Variants in SRGN observed in about 807,000 individuals in gnomAD.
SRGN encodes the protein serglycin.
SRGN carries 2 observed loss-of-function variants against 9.5 expected under a neutral mutation model. The observed-to-expected ratio is 0.21, with a 90% CI of 0.09 to 0.66. SRGN has a LOEUF of 0.66. Ranked by LOEUF, SRGN falls within the 30% of genes least tolerant of loss-of-function variation. The pLI is 0.83. For synonymous variants in SRGN, 59 were observed against 72.3 expected, an observed-to-expected ratio of 0.82 and a Z score of 0.93; for missense variants, 170 against 192.4, an observed-to-expected ratio of 0.88 and a Z score of 0.69.
At chr10:69,096,051 A>G (rs1840168887) in intron 1 of SRGN, among the ~76,000 whole-genome samples, 1 of 152,236 alleles carries the variant, frequency 6.6e-6, no homozygotes, top group African/African-American at 2.4e-5. Context: ...CTCTGTGAAT[A>G]GAGGAGACTT....
intron 2 of SRGN, 135 bp from the exon 3 acceptor site, chr10:69,103,736 G>T: frequency 1.0e-6 from 1 of 964,060 alleles, no homozygotes; most frequent in Non-Finnish European, 1.5e-6. Context: ...TGAATAATTG[G>T]GAAGCTTTTA....
chr10:69,091,879 C>CAAAAAA (rs1177012248), intron 1 of SRGN, among the ~76,000 whole-genome samples: 430 of 31,534 alleles, frequency 0.014, 9 homozygotes, highest in African/African-American at 0.023. Context: ...GACTCTGTCT[C>CAAAAAA]AAAAAAAAAA....
chr10:69,088,072 A>AT (rs550919533), upstream of SRGN: 1,368 of 1,203,068 alleles, frequency 1.1e-3, 16 homozygotes, highest in Admixed American at 0.02. Flanking sequence ...GTTTTGGAAC[A>AT]TTTTCTAAAA....
At chr10:69,096,977 G>T in intron 1 of SRGN, 107 bp from the exon 2 acceptor site, 1 of 1,212,790 alleles carries the variant, frequency 8.2e-7, no homozygotes, top group South Asian at 1.7e-5. Flanking sequence ...TTGGGCAGCC[G>T]ACTGAGACCC....
In SRGN at chr10:69,103,865, C is replaced by T. The variant is rs1840338981; in HGVS notation, c.228-6C>T. The T allele has an allele frequency of 6.2e-7, 1 of 1,611,308 alleles. No individual in the cohort carries two copies. Among genetic ancestry groups the T allele is most frequent in the East Asian group, 2.2e-5 (1 of 44,822 alleles). On this transcript the variant is annotated splice_region_variant and splice_polypyrimidine_tract_variant and intron_variant, in intron 2 of 2. Transcript: ENST00000242465. ...GTTTTTTTCCCATTTTTCTTTCATA[C>T]TTCAGAAAGACGAGAATCCAGGACT...
chr10:69,093,735 C>T (rs1477003874), intron 1 of SRGN, among the ~76,000 whole-genome samples: 1 of 152,068 alleles, frequency 6.6e-6, no homozygotes. Context: ...GGCATGGTGG[C>T]ACGTGCCTGT....
In SRGN at chr10:69,103,968, G is replaced by A; in HGVS notation, c.325G>A (p.Gly109Arg). 1 of 1,614,212 alleles carries A rather than the reference G, an allele frequency of 6.2e-7. No homozygotes were observed. Among genetic ancestry groups the A allele is most frequent in the Non-Finnish European group, 8.5e-7 (1 of 1,180,050 alleles). Residue 109 changes from glycine (G) to arginine (R), a missense_variant, in exon 3 of 3, where the codon GGG becomes AGG. Physicochemically the swap from Gly to Arg is moderately radical, Grantham distance 125 (BLOSUM62 -2). Coordinates refer to ENST00000242465, the MANE Select transcript of SRGN (RefSeq NM_002727.4). ...CGGCTCCGGCTCTGGATCAGGATCT[G>A]GGAGTGGCTTCCTAACGGAAATGGA... ...GSGSGSGSGS[G>R]SGFLTEMEQD...
At chr10:69,088,882 T>G (rs1357476242) in intron 1 of SRGN, among the ~76,000 whole-genome samples, 1 of 152,252 alleles carries the variant, frequency 6.6e-6, no homozygotes, top group Non-Finnish European at 1.5e-5. Flanking sequence ...TAGGTTTATC[T>G]ACCATTTAGT....
At chr10:69,096,219 C>T (rs138846563) in intron 1 of SRGN, among the ~76,000 whole-genome samples, 52 of 152,270 alleles carry the variant, frequency 3.4e-4, no homozygotes, top group African/African-American at 9.1e-4. Flanking sequence ...TGATTTGACT[C>T]ATCTCTATGA....
chr10:69,098,563 G>C lies in SRGN; in HGVS notation c.227+1332G>C, dbSNP rs1438502217. On this transcript the variant is annotated intron_variant, in intron 2 of 2. Coordinates refer to ENST00000242465, the MANE Select transcript of SRGN (RefSeq NM_002727.4). ...AGGCCGAGGCGGGAGGATTGTTTGA[G>C]CCCAGGAGTTTGAGGCCAGCCTGGG... is the stretch of plus-strand genomic sequence containing the variant. The C allele has an allele frequency of 5.3e-5, 8 of 152,282 alleles. 1 individual carries two copies. The highest frequency in any genetic ancestry group is 2.6e-4 in the Admixed American group (4 of 15,294). 9.4% of individuals were successfully genotyped at this position (152,282 alleles called of 1,614,324 possible). A position where few individuals can be genotyped will look rare whatever the true frequency, so the allele number is the denominator to read the frequency against.
rs745867419 is a variant in SRGN, at chr10:69,097,224, C to T, written c.220C>T (p.Leu74Phe). The T allele has an allele frequency of 3.1e-6, 5 of 1,610,600 alleles. No homozygotes were observed. The South Asian group carries it at 4.4e-5, about 14-fold the overall frequency. Residue 74 changes from leucine to phenylalanine, a missense_variant, in exon 2 of 3, where the codon CTT (leucine) becomes TTT (phenylalanine). Physicochemically the swap from Leu to Phe is conservative, Grantham distance 22. Coordinates refer to ENST00000242465, the MANE Select transcript of SRGN (RefSeq NM_002727.4). ...SNKIPRLRTDLFPKTRIQDLN... is the reference protein window; with the variant it reads ...SNKIPRLRTDFFPKTRIQDLN... ...CAAGATCCCCCGTCTGAGGACTGAC[C>T]TTTTTCCGTAAGTGGACTTTTCTCT...
rs1589323928 is a variant in SRGN, at chr10:69,088,110, C to T, written c.-48C>T. Reference sequence around the variant, plus strand: ...GACAGAGAGCACCCTGCTACATTTCCTAATCAAGAAGTTGGCGTGCAGCTG... The same window carrying T: ...GACAGAGAGCACCCTGCTACATTTCTTAATCAAGAAGTTGGCGTGCAGCTG... On this transcript the variant is annotated 5_prime_UTR_variant, in exon 1 of 3. Coordinates refer to ENST00000242465, the MANE Select transcript of SRGN (RefSeq NM_002727.4). 8 of 1,536,094 alleles carry T rather than the reference C, an allele frequency of 5.2e-6. No individual in the cohort carries two copies. The highest frequency in any genetic ancestry group is 7.2e-6 in the Non-Finnish European group (8 of 1,109,022).
intron 2 of SRGN, among the ~76,000 whole-genome samples, chr10:69,099,308 T>G (rs1428063907): frequency 9.4e-6 from 1 of 106,940 alleles, no homozygotes; most frequent in Admixed American, 1.0e-4. Flanking sequence ...CTTTCTCTTT[T>G]GTTTTTTTTT....
intron 1 of SRGN, among the ~76,000 whole-genome samples, chr10:69,091,034 C>T (rs1840041857): frequency 6.6e-6 from 1 of 152,192 alleles, no homozygotes; most frequent in African/African-American, 2.4e-5. Flanking sequence ...CTGATCCACT[C>T]CTTGTGCTGC....
chr10:69,091,913 AAGAAAAGAAAAG>A (rs1840069394), intron 1 of SRGN, among the ~76,000 whole-genome samples: 1 of 79,050 alleles, frequency 1.3e-5, no homozygotes, highest in African/African-American at 3.2e-5. Context: ...AAAAAAGAAA[AAGAAAAGAAAAG>A]AAAAAAAAAA....
At chr10:69,087,748 T>C (rs559833617), upstream of SRGN, among the ~76,000 whole-genome samples, 28 of 152,082 alleles carry the variant, frequency 1.8e-4, 1 homozygote, top group Admixed American at 1.8e-3. Context: ...CTAGATCCCT[T>C]ATCTCATAAA....
At chr10:69,091,332 C>T (rs72805470) in intron 1 of SRGN, among the ~76,000 whole-genome samples, 7,347 of 152,192 alleles carry the variant, frequency 0.048, 238 homozygotes, top group Non-Finnish European at 0.07. Context: ...ATCCTTTGAC[C>T]GTAGCCCTTG....
In SRGN at chr10:69,103,854, T is replaced by G. The variant is rs1840338493; in HGVS notation, c.228-17T>G. The G allele has an allele frequency of 6.2e-7, 1 of 1,608,942 alleles. No individual in the cohort carries two copies. The highest frequency in any genetic ancestry group is 1.3e-5 in the African/African-American group (1 of 74,744). ...AAACTCCACTGGTTTTTTTCCCATT[T>G]TTCTTTCATACTTCAGAAAGACGAG... On this transcript the variant is annotated splice_polypyrimidine_tract_variant and intron_variant, in intron 2 of 2. Transcript: ENST00000242465.
intron 2 of SRGN, among the ~76,000 whole-genome samples, chr10:69,099,625 T>C (rs140515759): frequency 2.0e-5 from 3 of 152,172 alleles, no homozygotes; most frequent in African/African-American, 7.2e-5. Flanking sequence ...TCTCCATCAC[T>C]GGTGACTTTC....
Sources: gnomAD v4.1 joint callset for allele counts (sites outside exome capture counted in the v4.1 genomes callset) on GRCh38, gnomAD v4.1.1 for gene constraint, MANE v1.5 for transcripts, NCBI Gene and HGNC (gene_info 2026-07-23, HGNC 2026-07-21) for gene names.